GABPB1: variants seen among roughly 807,000 people sequenced by gnomAD.
GABPB1 encodes GA-binding protein subunit beta-1.
Under a neutral mutation model 45.9 loss-of-function variants are expected in GABPB1, and 15 were observed. That is an observed-to-expected ratio of 0.33 (90% CI 0.22 to 0.50). The LOEUF (loss-of-function observed/expected upper bound fraction) is 0.50. GABPB1 is among the 20% of genes least tolerant of loss of function. The pLI is 0.98. For missense variants in GABPB1, 252 were observed against 457.5 expected (o/e 0.55, Z 4.10); for synonymous variants, 143 against 154.4 (o/e 0.93, Z 0.55).
chr15:50,294,078 T>C (rs187290739), intron 6 of GABPB1, among the ~76,000 whole-genome samples: 18 of 152,330 alleles, frequency 1.2e-4, no homozygotes, highest in African/African-American at 4.1e-4. Context: ...CTAGATAATC[T>C]GCAGCACCTT....
intron 8 of GABPB1, among the ~76,000 whole-genome samples, chr15:50,279,698 C>T (rs2045915965): frequency 1.3e-5 from 2 of 152,156 alleles, no homozygotes; most frequent in Admixed American, 1.3e-4. Context: ...CAGACCAAAG[C>T]TCAAGGGTAG....
chr15:50,319,985 T>C (rs1369270359), intron 1 of GABPB1, among the ~76,000 whole-genome samples: 1 of 152,228 alleles, frequency 6.6e-6, no homozygotes, highest in Non-Finnish European at 1.5e-5. Context: ...TCCTTCCAGA[T>C]CTTTTCTATG....
intron 1 of GABPB1, among the ~76,000 whole-genome samples, chr15:50,328,168 A>G (rs2047834727): frequency 6.6e-6 from 1 of 151,986 alleles, no homozygotes; most frequent in Non-Finnish European, 1.5e-5. Context: ...TTGATTATAC[A>G]CATACCTATA....
intron 1 of GABPB1, among the ~76,000 whole-genome samples, chr15:50,343,215 G>A (rs1024658718): frequency 5.9e-5 from 9 of 151,798 alleles, no homozygotes; most frequent in African/African-American, 1.9e-4. Context: ...AACATTTGAA[G>A]CATAATCTGT....
chr15:50,354,030 T>C (rs2141202991), intron 1 of GABPB1: 2 of 243,762 alleles, frequency 8.2e-6, no homozygotes, highest in Non-Finnish European at 1.6e-5. Flanking sequence ...GTATTTGTAC[T>C]GAAAACAAGC....
At position 50,317,399 on chromosome 15, in the gene GABPB1, C is replaced by T. The variant is rs532810267; in HGVS notation, c.1-7601G>A. Among the ~76,000 whole-genome samples, 27 of 133,386 alleles carry T rather than the reference C, an allele frequency of 2.0e-4. 1 individual carries two copies. In the East Asian group the frequency reaches 5.3e-3, roughly 26 times the overall value. 87.5% of individuals were successfully genotyped at this position (133,386 alleles called of 152,430 possible). On this transcript the variant is annotated intron_variant, in intron 1 of 8. Transcript: ENST00000380877. The stretch of plus-strand genomic sequence containing the variant: ...AGCCTGGGCAACAAGAGCAAAACTC[C>T]GTCTCAAAAAAAAAAAAGAAAGAAA...
intron 1 of GABPB1, among the ~76,000 whole-genome samples, chr15:50,344,910 T>C (rs1039004836): frequency 3.3e-5 from 5 of 152,086 alleles, no homozygotes; most frequent in South Asian, 2.1e-4. Flanking sequence ...TTAAGTATGA[T>C]AAAATTAAAA....
intron 1 of GABPB1, among the ~76,000 whole-genome samples, chr15:50,347,906 A>C (rs1033744821): frequency 2.0e-5 from 3 of 152,090 alleles, no homozygotes; most frequent in Non-Finnish European, 2.9e-5. Context: ...AAATACAAAA[A>C]TTAGCTGGGC....
chr15:50,281,458 G>T (rs541740156), intron 8 of GABPB1, among the ~76,000 whole-genome samples: 165 of 152,210 alleles, frequency 1.1e-3, no homozygotes, highest in African/African-American at 3.7e-3. Context: ...TGATCTGCCC[G>T]CCTTGGCCTC....
Position 50,319,609 on chromosome 15 carries a change from G to A in GABPB1, c.1-9811C>T, listed in dbSNP as rs1157231014. On this transcript the variant is annotated intron_variant, in intron 1 of 8. Coordinates refer to ENST00000380877, the MANE Select transcript of GABPB1 (RefSeq NM_016654.5). ...TCCCAGCACTTTGGGAGGCTGAGGC[G>A]GGCAAATCACGAGGTCAGGAGTTCG... 4.6e-5 allele frequency among the ~76,000 whole-genome samples: 7 copies of A among 152,224 alleles called. No homozygotes were observed. In the East Asian group the frequency reaches 7.7e-4, roughly 17 times the overall value.
At chr15:50,295,191 A>G (rs957598000) in intron 6 of GABPB1, among the ~76,000 whole-genome samples, 5 of 152,228 alleles carry the variant, frequency 3.3e-5, no homozygotes, top group African/African-American at 1.2e-4. Flanking sequence ...TATCATTATG[A>G]TAACTCTTCC....
At chr15:50,335,579 T>C (rs1174012543) in intron 1 of GABPB1, among the ~76,000 whole-genome samples, 1 of 152,186 alleles carries the variant, frequency 6.6e-6, no homozygotes, top group African/African-American at 2.4e-5. Flanking sequence ...ATATATTTTA[T>C]CCAACATTTT....
chr15:50,284,135 T>TC (rs1245380356), intron 8 of GABPB1, among the ~76,000 whole-genome samples: 1 of 151,544 alleles, frequency 6.6e-6, no homozygotes, highest in Non-Finnish European at 1.5e-5. Context: ...TATAAAAGTC[T>TC]CCCCCCAAGA....
chr15:50,304,742 T>C (rs1458185468), intron 2 of GABPB1, among the ~76,000 whole-genome samples: 2 of 149,890 alleles, frequency 1.3e-5, no homozygotes, highest in African/African-American at 4.9e-5. Context: ...AAATCAGAGA[T>C]AGAGTTTGAG....
intron 6 of GABPB1, among the ~76,000 whole-genome samples, chr15:50,292,062 C>T (rs1265484970): frequency 6.6e-6 from 1 of 151,774 alleles, no homozygotes; most frequent in Non-Finnish European, 1.5e-5. Flanking sequence ...CGGCCGGGCG[C>T]GGTGGCTCAT....
Position 50,275,957 on chromosome 15 carries a change from T to C in GABPB1, c.*2675A>G, listed in dbSNP as rs557787371. 2.2e-4 allele frequency: 34 copies of C among 152,272 alleles called. No individual in the cohort carries two copies. The highest frequency in any genetic ancestry group is 8.2e-4 in the African/African-American group (34 of 41,564). The allele number at this position is 152,272 out of a possible 1,614,324, so 9.4% of individuals were successfully genotyped here. A position where few individuals can be genotyped will look rare whatever the true frequency, so the allele number is the denominator to read the frequency against. On this transcript the variant is annotated 3_prime_UTR_variant, in exon 9 of 9. Coordinates refer to ENST00000380877, the MANE Select transcript of GABPB1 (RefSeq NM_016654.5). ...GAAGTGTTAAATCTGAATAAAGTAA[T>C]TGGGCAGTCAAGATGCCTAACGAAC...
chr15:50,310,067 C>T (rs1427563208), intron 1 of GABPB1, among the ~76,000 whole-genome samples: 1 of 152,114 alleles, frequency 6.6e-6, no homozygotes, highest in South Asian at 2.1e-4. Context: ...AGGTAAGTAG[C>T]AGAGAAAAGC....
At chr15:50,310,571 C>G (rs1183754661) in intron 1 of GABPB1, among the ~76,000 whole-genome samples, 2 of 152,136 alleles carry the variant, frequency 1.3e-5, no homozygotes, top group African/African-American at 4.8e-5. Context: ...TTTTAAAAAA[C>G]AAATTTTCTG....
intron 1 of GABPB1, among the ~76,000 whole-genome samples, chr15:50,337,094 T>TGA (rs2048165956): frequency 1.4e-4 from 1 of 7,356 alleles, no homozygotes; most frequent in Non-Finnish European, 3.7e-4. Flanking sequence ...TATATATATA[T>TGA]ATATATATAT....
Sources: gnomAD v4.1 joint callset for allele counts (sites outside exome capture counted in the v4.1 genomes callset) on GRCh38, gnomAD v4.1.1 for gene constraint, MANE v1.5 for transcripts, NCBI Gene and HGNC (gene_info 2026-07-23, HGNC 2026-07-21) for gene names.